GPC5: variants seen among roughly 807,000 people sequenced by gnomAD.
GPC5 encodes glypican-5.
A neutral mutation model predicts 53.9 loss-of-function variants in GPC5; 47 were observed. That is an observed-to-expected ratio of 0.87 (90% CI 0.69 to 1.11). The LOEUF (loss-of-function observed/expected upper bound fraction) is 1.11, where lower values mean the gene tolerates loss of function less well. Among genes scored for constraint, GPC5 ranks in the 50% most tolerant of loss-of-function variants. GPC5 has a pLI of 0.00. For missense variants in GPC5, 748 were observed against 713.1 expected, an observed-to-expected ratio of 1.05 and a Z score of -0.56; for synonymous variants, 286 against 263.3, an observed-to-expected ratio of 1.09 and a Z score of -0.84.
At chr13:92,438,605 A>G (rs1399233115) in intron 7 of GPC5, among the ~76,000 whole-genome samples, 1 of 152,012 alleles carries the variant, frequency 6.6e-6, no homozygotes, top group Non-Finnish European at 1.5e-5. Context: ...TTAACATTCA[A>G]AAAGAGCTTT....
At chr13:92,095,716 G>A (rs1371436788) in intron 6 of GPC5, among the ~76,000 whole-genome samples, 1 of 152,054 alleles carries the variant, frequency 6.6e-6, no homozygotes, top group East Asian at 1.9e-4. Flanking sequence ...GGCATTTTTA[G>A]TAGAGACGGG....
intron 7 of GPC5, among the ~76,000 whole-genome samples, chr13:92,221,664 C>A (rs2042449632): frequency 6.6e-6 from 1 of 152,220 alleles, no homozygotes; most frequent in Non-Finnish European, 1.5e-5. Context: ...AGAATCAAAC[C>A]TTTTCTGCTT....
rs555342660 is a variant in GPC5, at chr13:91,924,728, G to C, written c.1401+16671G>C. On this transcript the variant is annotated intron_variant, in intron 6 of 7. Coordinates refer to ENST00000377067, the MANE Select transcript of GPC5 (RefSeq NM_004466.6). ...TGCATTCCAGCCTGGGTGACATAGTGAGATCTTGTATCAAAAATAATAATC... is the reference window on the plus strand; with the variant it reads ...TGCATTCCAGCCTGGGTGACATAGTCAGATCTTGTATCAAAAATAATAATC... 3.9e-5 allele frequency among the ~76,000 whole-genome samples: 6 copies of C among 152,056 alleles called. No homozygotes were observed. The South Asian group carries it at 1.2e-3, about 32-fold the overall frequency.
At chr13:92,355,268 A>T (rs1290073226) in intron 7 of GPC5, among the ~76,000 whole-genome samples, 1 of 151,814 alleles carries the variant, frequency 6.6e-6, no homozygotes, top group East Asian at 1.9e-4. Flanking sequence ...TACTCAATGA[A>T]GAAAATAGTT....
At position 92,237,323 on chromosome 13, in the gene GPC5, G is replaced by A. The variant is rs181297110; in HGVS notation, c.1561+92334G>A. On this transcript the variant is annotated intron_variant, in intron 7 of 7. Transcript: ENST00000377067. Reference sequence around the variant, plus strand: ...CAACCTCCGCCTCCCAAGTTCAAGTGATCCTCTTGCCTCAACCTCCTGAGT... The same window carrying A: ...CAACCTCCGCCTCCCAAGTTCAAGTAATCCTCTTGCCTCAACCTCCTGAGT... 2.0e-5 allele frequency among the ~76,000 whole-genome samples: 3 copies of A among 152,180 alleles called. No individual in the cohort carries two copies. The East Asian group carries it at 5.8e-4, about 29-fold the overall frequency.
At position 91,398,689 on chromosome 13, in the gene GPC5, TGGCGGC is replaced by T; in HGVS notation, c.-357_-352del. The stretch of plus-strand genomic sequence containing the variant: ...GCGGCGGCGGCGGCAGTGGCGGCAG[TGGCGGC>T]AGTGGCGGCAGCGGCAGCAGTTGCA... On this transcript the variant is annotated 5_prime_UTR_variant, in exon 1 of 8. Transcript: ENST00000377067. The T allele has an allele frequency of 4.4e-6, 1 of 228,104 alleles. No homozygotes were observed. Among genetic ancestry groups the T allele is most frequent in the Non-Finnish European group, 8.3e-6 (1 of 119,998 alleles). The allele number at this position is 228,104 out of a possible 1,614,324, so 14.1% of individuals were successfully genotyped here.
chr13:92,397,631 T>C (rs1875347586), intron 7 of GPC5, among the ~76,000 whole-genome samples: 1 of 152,238 alleles, frequency 6.6e-6, no homozygotes, highest in Non-Finnish European at 1.5e-5. Flanking sequence ...TTCATGGTGA[T>C]GGTTTCCTCT....
intron 7 of GPC5, among the ~76,000 whole-genome samples, chr13:92,449,477 T>G (rs1441580634): frequency 2.0e-5 from 3 of 152,178 alleles, no homozygotes; most frequent in African/African-American, 7.2e-5. Context: ...AATATGAGTG[T>G]TTATTAATGT....
rs190003856 is a variant in GPC5 at position 92,078,833 on chromosome 13, G to A, written c.1402-65997G>A. Among the ~76,000 whole-genome samples the A allele has an allele frequency of 4.8e-4, 73 of 152,014 alleles. 1 individual carries two copies. Among genetic ancestry groups the A allele is most frequent in the African/African-American group, 1.4e-3 (58 of 41,472 alleles). Reference sequence around the variant, plus strand: ...CCATTTTTAAAACTACACTATCTCCGTCCCGTTATGTTCAGGATAACACTA... The same window carrying A: ...CCATTTTTAAAACTACACTATCTCCATCCCGTTATGTTCAGGATAACACTA... On this transcript the variant is annotated intron_variant, in intron 6 of 7. Transcript: ENST00000377067.
intron 3 of GPC5, among the ~76,000 whole-genome samples, chr13:91,704,002 T>G (rs2036045702): frequency 6.6e-6 from 1 of 152,188 alleles, no homozygotes; most frequent in South Asian, 2.1e-4. Flanking sequence ...TAAGGTCCAT[T>G]TGGTCTCAAG....
chr13:92,116,305 G>A (rs2041601374), intron 6 of GPC5, among the ~76,000 whole-genome samples: 1 of 151,860 alleles, frequency 6.6e-6, no homozygotes, highest in East Asian at 1.9e-4. Flanking sequence ...CTTATGGGGG[G>A]GATTGGGAAC....
intron 7 of GPC5, among the ~76,000 whole-genome samples, chr13:92,219,599 C>T (rs1208850421): frequency 6.6e-6 from 1 of 152,148 alleles, no homozygotes; most frequent in East Asian, 1.9e-4. Context: ...GAAAGTATCT[C>T]TCATTTGTCC....
rs553177993 is a variant in GPC5, at chr13:92,691,679, A to C, written c.1562-174603A>C. Among the ~76,000 whole-genome samples, 127 of 152,192 alleles carry C rather than the reference A, an allele frequency of 8.3e-4. 1 individual carries two copies. The highest frequency in any genetic ancestry group is 3.0e-3 in the African/African-American group (126 of 41,542). On this transcript the variant is annotated intron_variant, in intron 7 of 7. Transcript: ENST00000377067. ...GAAAAATAATGTAATTTAATATTAA[A>C]TTATCACATTCATTAACATGACATA...
intron 7 of GPC5, among the ~76,000 whole-genome samples, chr13:92,196,598 A>C (rs761690454): frequency 6.6e-5 from 10 of 152,220 alleles, no homozygotes; most frequent in Non-Finnish European, 1.5e-4. Flanking sequence ...GAGAAATTTC[A>C]CTTTTGTTTG....
intron 7 of GPC5, among the ~76,000 whole-genome samples, chr13:92,404,697 G>A (rs1041159502): frequency 1.5e-5 from 2 of 135,252 alleles, no homozygotes; most frequent in Admixed American, 1.5e-4. Context: ...TCTTTCCTGG[G>A]GTCTTGGCAT....
At chr13:92,626,190 C>A (rs971484534) in intron 7 of GPC5, among the ~76,000 whole-genome samples, 4 of 152,040 alleles carry the variant, frequency 2.6e-5, no homozygotes, top group African/African-American at 9.7e-5. Context: ...TTAAAGAGAA[C>A]AAATGCAGAA....
intron 5 of GPC5, among the ~76,000 whole-genome samples, chr13:91,768,288 T>C (rs1175805944): frequency 6.6e-6 from 1 of 152,148 alleles, no homozygotes; most frequent in Non-Finnish European, 1.5e-5. Context: ...ATCCAAATCC[T>C]TCTTTTCTGA....
At chr13:92,613,335 AATATATT>A (rs1884511479) in intron 7 of GPC5, among the ~76,000 whole-genome samples, 2 of 102,140 alleles carry the variant, frequency 2.0e-5, no homozygotes, top group South Asian at 2.7e-4. Flanking sequence ...TATATAATAT[AATATATT>A]TATATATAAA....
intron 7 of GPC5, among the ~76,000 whole-genome samples, chr13:92,439,178 T>G (rs544889213): frequency 6.6e-6 from 1 of 152,144 alleles, no homozygotes; most frequent in Admixed American, 6.5e-5. Context: ...GGAAAAGAAG[T>G]GCATAAAGGA....
Sources: allele counts gnomAD v4.1 joint callset (sites outside exome capture counted in the v4.1 genomes callset), GRCh38; gene constraint gnomAD v4.1.1; transcripts MANE v1.5; gene names NCBI Gene and HGNC (gene_info 2026-07-23, HGNC 2026-07-21).